NRXN1: variants seen among roughly 807,000 people sequenced by gnomAD.
The protein encoded by NRXN1 is neurexin 1.
NRXN1 carries 39 observed loss-of-function variants against 150.9 expected under a neutral mutation model. The observed-to-expected ratio is 0.26, with a 90% CI of 0.20 to 0.34. The LOEUF (loss-of-function observed/expected upper bound fraction) is 0.34. Among genes scored for constraint, NRXN1 ranks in the 10% least tolerant of loss-of-function variants. The pLI, the probability that NRXN1 is intolerant of heterozygous loss-of-function variation, is 1.00. For missense variants in NRXN1, 1,815 were observed against 1,949.9 expected (o/e 0.93, Z 1.30); for synonymous variants, 924 against 757.0 (o/e 1.22, Z -3.62).
intron 17 of NRXN1, among the ~76,000 whole-genome samples, chr2:50,423,127 CAT>C (rs966847526): frequency 4.6e-5 from 7 of 152,144 alleles, no homozygotes; most frequent in African/African-American, 1.7e-4. Flanking sequence ...CCTGGTGAAA[CAT>C]ATTCCTTTCC....
chr2:50,222,047 A>G (rs1255017115), intron 18 of NRXN1, among the ~76,000 whole-genome samples: 1 of 152,002 alleles, frequency 6.6e-6, no homozygotes, highest in African/African-American at 2.4e-5. Context: ...CTAGAGGCAA[A>G]ATTAAGAATT....
chr2:50,531,676 T>G (rs2093118866), intron 10 of NRXN1, among the ~76,000 whole-genome samples: 1 of 152,130 alleles, frequency 6.6e-6, no homozygotes, highest in South Asian at 2.1e-4. Flanking sequence ...TTTTTTTTTG[T>G]TCCCAGAGCA....
intron 18 of NRXN1, among the ~76,000 whole-genome samples, chr2:50,133,026 T>A (rs1313855993): frequency 1.3e-5 from 2 of 152,158 alleles, no homozygotes; most frequent in East Asian, 3.9e-4. Flanking sequence ...AGAGATCCTG[T>A]TCCCTTAGGA....
At chr2:50,843,946 A>G (rs1369371176) in intron 5 of NRXN1, among the ~76,000 whole-genome samples, 1 of 152,044 alleles carries the variant, frequency 6.6e-6, no homozygotes, top group Non-Finnish European at 1.5e-5. Context: ...CCTTAAACCA[A>G]ACTTCCAACT....
At chr2:51,013,030 G>A (rs1324832110) in intron 2 of NRXN1, among the ~76,000 whole-genome samples, 1 of 152,036 alleles carries the variant, frequency 6.6e-6, no homozygotes, top group Admixed American at 6.6e-5. Flanking sequence ...TGAGATGTAA[G>A]AGACACCACT....
At chr2:50,953,802 C>A (rs948116794) in intron 2 of NRXN1, among the ~76,000 whole-genome samples, 5 of 152,052 alleles carry the variant, frequency 3.3e-5, no homozygotes, top group African/African-American at 4.8e-5. Flanking sequence ...CTCAGGTGAT[C>A]CACCTGCCTC....
intron 5 of NRXN1, among the ~76,000 whole-genome samples, chr2:50,825,777 G>T (rs1670364507): frequency 1.3e-5 from 2 of 152,236 alleles, no homozygotes; most frequent in Non-Finnish European, 1.5e-5. Flanking sequence ...GGCATTGGAA[G>T]TCGGTCGGGA....
chr2:50,982,451 G>T (rs545993744), intron 2 of NRXN1, among the ~76,000 whole-genome samples: 10 of 152,134 alleles, frequency 6.6e-5, no homozygotes, highest in African/African-American at 2.2e-4. Context: ...TCTGAACGTG[G>T]CCTAAGGGAC....
intron 19 of NRXN1, among the ~76,000 whole-genome samples, chr2:50,058,918 G>A (rs1381602711): frequency 6.6e-6 from 1 of 152,100 alleles, no homozygotes; most frequent in African/African-American, 2.4e-5. Flanking sequence ...CATTAAACCT[G>A]TTTTTCTTTA....
chr2:50,002,344 C>A (rs1380495353), intron 21 of NRXN1, among the ~76,000 whole-genome samples: 1 of 152,134 alleles, frequency 6.6e-6, no homozygotes, highest in Non-Finnish European at 1.5e-5. Context: ...TAGTTTCAGG[C>A]TGAGCAGCCT....
chr2:50,727,096 T>C (rs1300645395), intron 5 of NRXN1, among the ~76,000 whole-genome samples: 1 of 143,972 alleles, frequency 6.9e-6, no homozygotes, highest in East Asian at 1.9e-4. Context: ...GGAACCTTTA[T>C]AAAAAAAGGT....
At chr2:50,585,522 T>C (rs1672961410) in intron 8 of NRXN1, among the ~76,000 whole-genome samples, 1 of 152,160 alleles carries the variant, frequency 6.6e-6, no homozygotes, top group Non-Finnish European at 1.5e-5. Flanking sequence ...TTTTATGTAA[T>C]TTGTTTTTTA....
intron 5 of NRXN1, among the ~76,000 whole-genome samples, chr2:50,828,294 C>A (rs1473524470): frequency 1.1e-5 from 1 of 89,470 alleles, no homozygotes; most frequent in Non-Finnish European, 2.3e-5. Flanking sequence ...ACCTCCCTCC[C>A]GGACGGGGCG....
chr2:50,782,357 C>A (rs1399750793), intron 5 of NRXN1, among the ~76,000 whole-genome samples: 2 of 152,004 alleles, frequency 1.3e-5, no homozygotes, highest in East Asian at 1.9e-4. Context: ...GTAGTCCCAG[C>A]TACTCGGGAG....
At chr2:50,636,568 A>G (rs1161740176) in intron 5 of NRXN1, among the ~76,000 whole-genome samples, 1 of 152,180 alleles carries the variant, frequency 6.6e-6, no homozygotes, top group Non-Finnish European at 1.5e-5. Flanking sequence ...ATCAGGCAAC[A>G]TGCTAGAGTT....
intron 2 of NRXN1, among the ~76,000 whole-genome samples, chr2:50,994,893 C>T (rs1298271136): frequency 6.6e-6 from 1 of 151,958 alleles, no homozygotes; most frequent in Non-Finnish European, 1.5e-5. Flanking sequence ...GATGCAATTA[C>T]ACTGTTTTTT....
chr2:50,570,317 T>A (rs1389249890), intron 8 of NRXN1, among the ~76,000 whole-genome samples: 1 of 152,114 alleles, frequency 6.6e-6, no homozygotes, highest in Non-Finnish European at 1.5e-5. Flanking sequence ...ATACGAGGCC[T>A]TTATGCTACA....
intron 5 of NRXN1, among the ~76,000 whole-genome samples, chr2:50,853,166 C>A (rs1674760038): frequency 6.6e-6 from 1 of 152,146 alleles, no homozygotes; most frequent in South Asian, 2.1e-4. Flanking sequence ...TGAGGACTAT[C>A]TGTATATATT....
At chr2:50,559,352 A>G (rs1668711681) in intron 8 of NRXN1, among the ~76,000 whole-genome samples, 1 of 152,152 alleles carries the variant, frequency 6.6e-6, no homozygotes, top group Admixed American at 6.5e-5. Flanking sequence ...TTTCATCCCC[A>G]ACATTAACTT....
Sources: allele counts gnomAD v4.1 joint callset (sites outside exome capture counted in the v4.1 genomes callset), GRCh38; gene constraint gnomAD v4.1.1; transcripts MANE v1.5; gene names NCBI Gene and HGNC (gene_info 2026-07-23, HGNC 2026-07-21).